The following MARCHF1 variants were observed in gnomAD, a reference collection of about 807,000 sequenced individuals.
The protein encoded by MARCHF1 is E3 ubiquitin-protein ligase MARCHF1.
A neutral mutation model predicts 54.2 loss-of-function variants in MARCHF1; 40 were observed. That is an observed-to-expected ratio of 0.74 (90% CI 0.57 to 0.96). The LOEUF (loss-of-function observed/expected upper bound fraction) is 0.96. Ranked by LOEUF, MARCHF1 falls within the 40% of genes least tolerant of loss-of-function variation. The pLI, the probability that MARCHF1 is intolerant of heterozygous loss-of-function variation, is 0.00. For synonymous variants in MARCHF1, 236 were observed against 236.3 expected (o/e 1.00, Z 0.01); for missense variants, 586 against 656.5 (o/e 0.89, Z 1.17).
chr4:163,540,616 T>G (rs1738691365), intron 9 of MARCHF1, among the ~76,000 whole-genome samples: 1 of 152,248 alleles, frequency 6.6e-6, no homozygotes, highest in Non-Finnish European at 1.5e-5. Flanking sequence ...CAAGGTAAAG[T>G]TCATGTTGTC....
intron 5 of MARCHF1, among the ~76,000 whole-genome samples, chr4:163,682,569 A>G (rs1744140073): frequency 6.6e-6 from 1 of 152,152 alleles, no homozygotes; most frequent in Non-Finnish European, 1.5e-5. Context: ...AGGTTCAGCC[A>G]TGGTTAAAAG....
chr4:164,077,301 T>C (rs1273338400), intron 2 of MARCHF1, among the ~76,000 whole-genome samples: 1 of 152,180 alleles, frequency 6.6e-6, no homozygotes, highest in Admixed American at 6.5e-5. Context: ...ATTTAATAAA[T>C]GGTGTTGGCA....
At chr4:163,778,836 A>G (rs1747379548) in intron 4 of MARCHF1, among the ~76,000 whole-genome samples, 1 of 152,122 alleles carries the variant, frequency 6.6e-6, no homozygotes, top group African/African-American at 2.4e-5. Context: ...AGTAATAGAC[A>G]ATAGAGACTA....
At chr4:163,969,684 G>T (rs866843973) in intron 3 of MARCHF1, among the ~76,000 whole-genome samples, 3 of 152,128 alleles carry the variant, frequency 2.0e-5, no homozygotes, top group South Asian at 2.1e-4. Flanking sequence ...TATGCTACAC[G>T]CAACATGCTT....
At chr4:163,866,308 G>C (rs1043859156) in intron 3 of MARCHF1, among the ~76,000 whole-genome samples, 2 of 150,444 alleles carry the variant, frequency 1.3e-5, no homozygotes, top group African/African-American at 2.4e-5. Context: ...TTTCTAAACT[G>C]TATTATATAC....
At chr4:164,299,283 C>T (rs1734490228) in intron 1 of MARCHF1, among the ~76,000 whole-genome samples, 1 of 151,918 alleles carries the variant, frequency 6.6e-6, no homozygotes, top group African/African-American at 2.4e-5. Context: ...ATAATTTGTA[C>T]TTCTAAAAAT....
chr4:163,586,176 C>A (rs1473426122), intron 7 of MARCHF1, among the ~76,000 whole-genome samples: 1 of 152,126 alleles, frequency 6.6e-6, no homozygotes, highest in Non-Finnish European at 1.5e-5. Context: ...CAACATAATG[C>A]TGTGAGTAGA....
chr4:163,972,454 A>G (rs963834102), intron 3 of MARCHF1, among the ~76,000 whole-genome samples: 7 of 152,250 alleles, frequency 4.6e-5, no homozygotes, highest in African/African-American at 1.7e-4. Flanking sequence ...GTTCAAGTTT[A>G]AAAAGTTCAA....
chr4:164,014,987 A>G (rs1753505489), intron 2 of MARCHF1, among the ~76,000 whole-genome samples: 1 of 152,182 alleles, frequency 6.6e-6, no homozygotes, highest in African/African-American at 2.4e-5. Flanking sequence ...CAGAAAATCA[A>G]CAAAGAGACA....
chr4:164,010,682 T>C (rs958010938), intron 2 of MARCHF1, among the ~76,000 whole-genome samples: 5 of 152,064 alleles, frequency 3.3e-5, no homozygotes, highest in African/African-American at 1.2e-4. Context: ...TTTAAAATGA[T>C]AATACTACCC....
chr4:163,580,852 G>A (rs1740209956), intron 8 of MARCHF1, among the ~76,000 whole-genome samples: 1 of 44,478 alleles, frequency 2.2e-5, no homozygotes, highest in African/African-American at 7.9e-5. Flanking sequence ...TCGGACTGCG[G>A]ACTGCAGTGG....
intron 4 of MARCHF1, among the ~76,000 whole-genome samples, chr4:163,788,844 CT>C (rs1291610097): frequency 6.6e-6 from 1 of 151,994 alleles, no homozygotes; most frequent in Non-Finnish European, 1.5e-5. Flanking sequence ...GTAAGTTTGC[CT>C]TTAGCAGACA....
At chr4:163,725,001 C>T in intron 4 of MARCHF1, among the ~76,000 whole-genome samples, 1 of 152,086 alleles carries the variant, frequency 6.6e-6, no homozygotes, top group East Asian at 1.9e-4. Flanking sequence ...ACTCAGTGGG[C>T]TGCACCTACT....
At chr4:164,295,677 C>T (rs1734392750) in intron 1 of MARCHF1, among the ~76,000 whole-genome samples, 4 of 152,106 alleles carry the variant, frequency 2.6e-5, no homozygotes, top group Admixed American at 2.6e-4. Flanking sequence ...TCTTTCTTTG[C>T]CTCTCAATTC....
rs538744297 is a variant in MARCHF1, at chr4:163,785,362, C to T, written c.111+68659G>A. 5.9e-5 allele frequency among the ~76,000 whole-genome samples: 9 copies of T among 152,182 alleles called. No individual in the cohort carries two copies. The South Asian group carries it at 1.9e-3, about 32-fold the overall frequency. ...CACTCATCCATTTGTATAGCTTGCTCGATTGAAAGTGTGTCACAACCTAAA... is the reference window on the plus strand; with the variant it reads ...CACTCATCCATTTGTATAGCTTGCTTGATTGAAAGTGTGTCACAACCTAAA... On this transcript the variant is annotated intron_variant, in intron 4 of 9. Transcript: ENST00000514618.
chr4:164,089,056 T>C (rs925348724), intron 2 of MARCHF1, among the ~76,000 whole-genome samples: 10 of 152,152 alleles, frequency 6.6e-5, no homozygotes, highest in Non-Finnish European at 1.2e-4. Context: ...GCTGAGAGCT[T>C]TACATTTCTT....
At chr4:163,769,791 A>G (rs1260190126) in intron 4 of MARCHF1, among the ~76,000 whole-genome samples, 1 of 152,168 alleles carries the variant, frequency 6.6e-6, no homozygotes, top group Non-Finnish European at 1.5e-5. Flanking sequence ...CATATACAAT[A>G]CAAACTGGGT....
chr4:164,220,096 G>A lies in MARCHF1; in HGVS notation c.-322-108434C>T, dbSNP rs959948360. Among the ~76,000 whole-genome samples the A allele has an allele frequency of 3.3e-5, 5 of 151,348 alleles. No homozygotes were observed. In the East Asian group the frequency reaches 7.7e-4, roughly 23 times the overall value. On this transcript the variant is annotated intron_variant, in intron 1 of 9. Coordinates refer to ENST00000514618, the MANE Select transcript of MARCHF1 (RefSeq NM_001394959.1). The stretch of plus-strand genomic sequence containing the variant: ...ATGGACTATCTAAATCCCTCCTTCC[G>A]AAATGCACTTGAAATCACATTTATC...
At chr4:164,006,306 A>G (rs371846090) in intron 2 of MARCHF1, among the ~76,000 whole-genome samples, 4 of 152,274 alleles carry the variant, frequency 2.6e-5, no homozygotes, top group South Asian at 4.1e-4. Context: ...TCATAGAACT[A>G]AAAAAGACAT....
Sources: gnomAD v4.1 joint callset for allele counts (sites outside exome capture counted in the v4.1 genomes callset) on GRCh38, gnomAD v4.1.1 for gene constraint, MANE v1.5 for transcripts, NCBI Gene and HGNC (gene_info 2026-07-23, HGNC 2026-07-21) for gene names.